The following PDE4D variants were observed in gnomAD, a reference collection of about 807,000 sequenced individuals.
The protein encoded by PDE4D is 3',5'-cyclic-AMP phosphodiesterase 4D.
Under a neutral mutation model 87.4 loss-of-function variants are expected in PDE4D, and 24 were observed. That is an observed-to-expected ratio of 0.27 (90% confidence interval 0.20 to 0.39). The LOEUF is 0.39. Among genes scored for constraint, PDE4D ranks in the 10% least tolerant of loss-of-function variants. The pLI, the probability that PDE4D is intolerant of heterozygous loss-of-function variation, is 1.00. For missense variants in PDE4D, 714 were observed against 1,041.0 expected (o/e 0.69, Z 4.32); for synonymous variants, 384 against 383.2 (o/e 1.00, Z -0.02).
intron 1 of PDE4D, among the ~76,000 whole-genome samples, chr5:60,390,417 C>T (rs993597357): frequency 1.3e-5 from 2 of 152,176 alleles, no homozygotes; most frequent in African/African-American, 4.8e-5. Flanking sequence ...CAGTCACTAA[C>T]CAAATTCCTT....
At chr5:59,553,727 G>A (rs1380959927) in intron 1 of PDE4D, among the ~76,000 whole-genome samples, 3 of 152,240 alleles carry the variant, frequency 2.0e-5, no homozygotes, top group South Asian at 4.1e-4. Context: ...GTATGCCACT[G>A]AGAAAGATTA....
At chr5:59,989,113 T>TATATATATAC (rs780796417) in intron 2 of PDE4D, among the ~76,000 whole-genome samples, 5 of 133,516 alleles carry the variant, frequency 3.7e-5, no homozygotes, top group African/African-American at 1.4e-4. Flanking sequence ...TATATATATA[T>TATATATATAC]ATACACACAC....
chr5:59,691,558 C>T (rs543134980), intron 1 of PDE4D, among the ~76,000 whole-genome samples: 8 of 89,176 alleles, frequency 9.0e-5, no homozygotes, highest in Admixed American at 1.7e-4. Flanking sequence ...CACCACACAC[C>T]GGGGTCTGTC....
chr5:59,403,118 G>A (rs1445548479), intron 1 of PDE4D, among the ~76,000 whole-genome samples: 1 of 118,036 alleles, frequency 8.5e-6, no homozygotes, highest in East Asian at 2.2e-4. Context: ...TTAAATTTCT[G>A]TTGGTACATA....
At chr5:59,214,310 G>A (rs892615932) in intron 2 of PDE4D, among the ~76,000 whole-genome samples, 26 of 152,040 alleles carry the variant, frequency 1.7e-4, no homozygotes, top group African/African-American at 5.8e-4. Flanking sequence ...TGGCTCTCAG[G>A]TCCCATAGAC....
chr5:59,860,506 T>C (rs1033889284), intron 1 of PDE4D, among the ~76,000 whole-genome samples: 5 of 152,218 alleles, frequency 3.3e-5, no homozygotes, highest in African/African-American at 1.2e-4. Flanking sequence ...TGTAATAATT[T>C]AGTGACAACA....
chr5:59,502,212 G>A (rs1442591146), intron 1 of PDE4D, among the ~76,000 whole-genome samples: 2 of 152,120 alleles, frequency 1.3e-5, no homozygotes, highest in East Asian at 3.8e-4. Flanking sequence ...CTAATAGGTA[G>A]ATTAAACTTA....
intron 1 of PDE4D, among the ~76,000 whole-genome samples, chr5:60,282,796 G>C (rs1414611717): frequency 6.6e-6 from 1 of 152,180 alleles, no homozygotes; most frequent in East Asian, 1.9e-4. Context: ...TTATTTGGAA[G>C]CATGATATTT....
chr5:59,281,684 C>T (rs766652654), intron 1 of PDE4D, among the ~76,000 whole-genome samples: 3 of 152,094 alleles, frequency 2.0e-5, no homozygotes, highest in Non-Finnish European at 2.9e-5. Context: ...CCTTCCAAAT[C>T]GACAACCCTG....
chr5:59,861,930 C>G (rs1370051431), intron 1 of PDE4D, among the ~76,000 whole-genome samples: 1 of 152,198 alleles, frequency 6.6e-6, no homozygotes, highest in Non-Finnish European at 1.5e-5. Flanking sequence ...GTAGGGCCAG[C>G]CTTAGGCAAA....
intron 2 of PDE4D, among the ~76,000 whole-genome samples, chr5:60,057,254 C>G (rs571418611): frequency 6.6e-6 from 1 of 151,952 alleles, no homozygotes; most frequent in South Asian, 2.1e-4. Context: ...GATCAGTAAC[C>G]AACACAGCAA....
intron 1 of PDE4D, among the ~76,000 whole-genome samples, chr5:59,408,512 T>TC (rs1233491012): frequency 1.3e-5 from 2 of 151,896 alleles, no homozygotes; most frequent in African/African-American, 2.4e-5. Flanking sequence ...CCACAAAGAA[T>TC]CCCCCCTGGG....
chr5:59,235,019 CTTAAG>C lies in PDE4D; in HGVS notation c.456-19056_456-19052del, dbSNP rs149739672. ...TTTTCTTTTTTTATAGAATTCAGAA[CTTAAG>C]TTAAATTTGACAAGAGGAAAAATAA... On this transcript the variant is annotated intron_variant, in intron 1 of 14. Coordinates refer to ENST00000340635, the MANE Select transcript of PDE4D (RefSeq NM_001104631.2). Among the ~76,000 whole-genome samples, 274 of 152,114 alleles carry C rather than the reference CTTAAG, an allele frequency of 1.8e-3. 2 individuals carry two copies. Among genetic ancestry groups the C allele is most frequent in the African/African-American group, 6.1e-3 (253 of 41,508 alleles).
chr5:59,344,388 T>TA (rs1043320988), intron 1 of PDE4D, among the ~76,000 whole-genome samples: 5 of 152,174 alleles, frequency 3.3e-5, no homozygotes, highest in African/African-American at 1.2e-4. Flanking sequence ...GAGTGACTCT[T>TA]ACGTAAAAAT....
At chr5:60,508,027 G>T (rs1228194473) in intron 1 of PDE4D, among the ~76,000 whole-genome samples, 1 of 152,178 alleles carries the variant, frequency 6.6e-6, no homozygotes, top group Non-Finnish European at 1.5e-5. Context: ...CATGAGGCTT[G>T]GTTTTCAGTT....
intron 1 of PDE4D, among the ~76,000 whole-genome samples, chr5:59,738,989 C>T (rs771975729): frequency 2.7e-4 from 41 of 152,018 alleles, no homozygotes; most frequent in Non-Finnish European, 2.2e-4. Context: ...GTGAGGAAAG[C>T]TTTTATATGA....
At chr5:59,700,863 A>G (rs1289173991) in intron 1 of PDE4D, among the ~76,000 whole-genome samples, 1 of 152,204 alleles carries the variant, frequency 6.6e-6, no homozygotes, top group Admixed American at 6.5e-5. Context: ...GCTCAAGCCT[A>G]TGTGATGTTT....
At chr5:59,828,747 C>G (rs1236130733) in intron 1 of PDE4D, among the ~76,000 whole-genome samples, 1 of 152,066 alleles carries the variant, frequency 6.6e-6, no homozygotes, top group Admixed American at 6.6e-5. Context: ...ATAAAACACA[C>G]CCAGGGATTC....
chr5:59,414,878 A>G (rs1346814019), intron 1 of PDE4D, among the ~76,000 whole-genome samples: 1 of 152,216 alleles, frequency 6.6e-6, no homozygotes. Context: ...TGGATCTGGC[A>G]TGGAAGTTGT....
Sources: allele counts gnomAD v4.1 joint callset (sites outside exome capture counted in the v4.1 genomes callset), GRCh38; gene constraint gnomAD v4.1.1; transcripts MANE v1.5; gene names NCBI Gene and HGNC (gene_info 2026-07-23, HGNC 2026-07-21).